Variants in ADGRA1 observed in about 807,000 individuals in gnomAD.
The protein encoded by ADGRA1 is adhesion G protein-coupled receptor A1.
ADGRA1 carries 12 observed loss-of-function variants against 21.3 expected under a neutral mutation model. The ratio of observed to expected loss-of-function variants is 0.56; its 90% CI spans 0.36 to 0.91. The LOEUF is 0.91. Among genes scored for constraint, ADGRA1 ranks in the 40% least tolerant of loss-of-function variants. ADGRA1 has a pLI of 0.01. For synonymous variants in ADGRA1, 385 were observed against 368.8 expected (o/e 1.04, Z -0.50); for missense variants, 790 against 805.6 (o/e 0.98, Z 0.23).
Position 133,097,036 on chromosome 10 carries a change from C to G in ADGRA1, c.66C>G (p.Tyr22Ter). The G allele has an allele frequency of 6.2e-7, 1 of 1,612,116 alleles. No homozygotes were observed. Among genetic ancestry groups the G allele is most frequent in the Non-Finnish European group, 8.5e-7 (1 of 1,179,792 alleles). Residue 22 changes from tyrosine (Y) to a stop codon, truncating the protein, a stop_gained, in exon 3 of 7, where the codon TAC becomes TAG. Coordinates refer to ENST00000392607, the MANE Select transcript of ADGRA1 (RefSeq NM_001083909.3). LOFTEE classifies it high-confidence loss of function. ...GGGAGTTCCTGCACCCCGTGGTGTA[C>G]GCGTGCACGGCCGTCATGCTGCTCT... ...YPGEFLHPVV[Y>*]ACTAVMLLCL...
intron 2 of ADGRA1, among the ~76,000 whole-genome samples, chr10:133,094,393 A>G (rs546931087): frequency 3.8e-4 from 58 of 152,168 alleles, no homozygotes; most frequent in Non-Finnish European, 6.8e-4. Context: ...CAGGCACCAG[A>G]CATCAGGGCA....
In ADGRA1 at chr10:133,125,507, C is replaced by T. The variant is rs1418220212; in HGVS notation, c.402-1726C>T. Among the ~76,000 whole-genome samples the T allele has an allele frequency of 3.3e-5, 5 of 152,224 alleles. No homozygotes were observed. The South Asian group carries it at 8.3e-4, about 25-fold the overall frequency. On this transcript the variant is annotated intron_variant, in intron 5 of 6. Transcript: ENST00000392607. ...GGCGCGATCTCGGCTCACTGCAAAC[C>T]CCGCCTCCTGGGTTCACGCCATTCT...
intron 4 of ADGRA1, among the ~76,000 whole-genome samples, chr10:133,099,955 G>A (rs1851760605): frequency 6.6e-6 from 1 of 152,220 alleles, no homozygotes; most frequent in Admixed American, 6.5e-5. Context: ...TGAGCTGAGT[G>A]CACAGAACCC....
chr10:133,102,278 G>C (rs1193938247), intron 4 of ADGRA1: 1 of 494,286 alleles, frequency 2.0e-6, no homozygotes, highest in Non-Finnish European at 4.0e-6. Context: ...CACAGTAAGA[G>C]CATCCTGGCG....
chr10:133,127,381 T>G, intron 6 of ADGRA1, 50 bp downstream of exon 6: 7 of 1,387,010 alleles, frequency 5.0e-6, no homozygotes, highest in Middle Eastern at 1.8e-4. Context: ...GGGTGGGCTC[T>G]GCCTGAGGTC....
intron 5 of ADGRA1, among the ~76,000 whole-genome samples, chr10:133,109,936 G>A (rs1373150562): frequency 3.9e-5 from 6 of 152,232 alleles, no homozygotes; most frequent in Admixed American, 2.6e-4. Flanking sequence ...GGGCGGGGCT[G>A]GAAGGACTCG....
chr10:133,121,698 A>G (rs1418453973), intron 5 of ADGRA1, among the ~76,000 whole-genome samples: 17 of 102,848 alleles, frequency 1.7e-4, no homozygotes, highest in Non-Finnish European at 2.7e-4. Context: ...GTGCCTGTGC[A>G]TGTGGAGTGT....
intron 5 of ADGRA1, among the ~76,000 whole-genome samples, chr10:133,117,325 C>T (rs945317073): frequency 7.2e-5 from 11 of 152,200 alleles, no homozygotes; most frequent in Admixed American, 3.3e-4. Flanking sequence ...AGCAGGCACG[C>T]GCCGAAAGCC....
At chr10:133,101,517 A>T (rs1381378085) in intron 4 of ADGRA1, among the ~76,000 whole-genome samples, 3 of 152,018 alleles carry the variant, frequency 2.0e-5, no homozygotes, top group Non-Finnish European at 4.4e-5. Flanking sequence ...TGCCACGTAC[A>T]CCTTCTTGTG....
chr10:133,110,571 G>A (rs1419012904), intron 5 of ADGRA1, among the ~76,000 whole-genome samples: 1 of 152,226 alleles, frequency 6.6e-6, no homozygotes, highest in Non-Finnish European at 1.5e-5. Context: ...AAGCTCCTTG[G>A]ATCTGCCATT....
chr10:133,124,080 T>A (rs1296023063), intron 5 of ADGRA1, among the ~76,000 whole-genome samples: 1 of 152,200 alleles, frequency 6.6e-6, no homozygotes, highest in Non-Finnish European at 1.5e-5. Flanking sequence ...CTCCCTCACT[T>A]GGCACTGGGT....
chr10:133,101,238 C>T (rs553471837), intron 4 of ADGRA1, among the ~76,000 whole-genome samples: 22 of 152,172 alleles, frequency 1.4e-4, no homozygotes, highest in Non-Finnish European at 2.1e-4. Context: ...CCTTCCTGCC[C>T]GCCTGCCCCG....
In ADGRA1 at chr10:133,087,990, C is replaced by A; in HGVS notation, c.-351C>A. Reference sequence around the variant, plus strand: ...CGCGGGGCTGTGACTCACCGGCCGGCGCCGCAGCCCCGCAATCTGTTGATA... The same window carrying A: ...CGCGGGGCTGTGACTCACCGGCCGGAGCCGCAGCCCCGCAATCTGTTGATA... On this transcript the variant is annotated 5_prime_UTR_variant, in exon 1 of 7. Transcript: ENST00000392607. 1.0e-6 allele frequency: 1 copy of A among 984,830 alleles called. No individual in the cohort carries two copies. The highest frequency in any genetic ancestry group is 1.2e-6 in the Non-Finnish European group (1 of 829,720). 61.0% of individuals were successfully genotyped at this position (984,830 alleles called of 1,614,324 possible).
intron 5 of ADGRA1, among the ~76,000 whole-genome samples, chr10:133,126,992 G>A (rs1294506421): frequency 6.6e-6 from 1 of 151,942 alleles, no homozygotes; most frequent in Non-Finnish European, 1.5e-5. Context: ...GGGCCCACCC[G>A]TGAAAGGACC....
At chr10:133,106,653 C>T (rs1263336311) in intron 5 of ADGRA1, among the ~76,000 whole-genome samples, 7 of 152,248 alleles carry the variant, frequency 4.6e-5, no homozygotes, top group East Asian at 1.9e-4. Flanking sequence ...CTGGCTTCCC[C>T]GCATCGGGGG....
chr10:133,105,724 C>T (rs1164291592), intron 5 of ADGRA1, among the ~76,000 whole-genome samples: 2 of 152,206 alleles, frequency 1.3e-5, no homozygotes, highest in East Asian at 1.9e-4. Context: ...CCCAAGACCC[C>T]CAACTCTGCA....
chr10:133,129,462 G>A lies in ADGRA1; in HGVS notation c.1634G>A (p.Gly545Glu), dbSNP rs1397375498. The change falls in exon 7 of 7, where the codon GGG (glycine) becomes GAG (glutamate). Residue 545 changes from glycine to glutamate, a missense_variant. Physicochemically the swap from Gly to Glu is moderately conservative, Grantham distance 98. Transcript: ENST00000392607. ...GAAGGCCTGCCGTTTGGCACCGACG[G>A]GACCGGCAACATCCGAACGGGACCC... ...LLEGLPFGTD[G>E]TGNIRTGPWK... 3.7e-6 allele frequency: 6 copies of A among 1,600,420 alleles called. No homozygotes were observed. Among genetic ancestry groups the A allele is most frequent in the Middle Eastern group, 1.6e-4 (1 of 6,082 alleles).
At chr10:133,089,123 T>C in intron 2 of ADGRA1, 1 of 889,762 alleles carries the variant, frequency 1.1e-6, no homozygotes, top group Non-Finnish European at 1.5e-6. Flanking sequence ...GCGTGCTGGG[T>C]GCTGATCATA....
intron 4 of ADGRA1, among the ~76,000 whole-genome samples, chr10:133,100,927 C>T (rs1851781043): frequency 6.6e-6 from 1 of 152,214 alleles, no homozygotes; most frequent in Admixed American, 6.5e-5. Context: ...GCAGGGGCCG[C>T]AGTGGCTGCA....
Sources: allele counts gnomAD v4.1 joint callset (sites outside exome capture counted in the v4.1 genomes callset), GRCh38; gene constraint gnomAD v4.1.1; transcripts MANE v1.5; gene names NCBI Gene and HGNC (gene_info 2026-07-23, HGNC 2026-07-21).